EYS: variants seen among roughly 807,000 people sequenced by gnomAD.
EYS encodes protein eyes shut homolog.
EYS carries 250 observed loss-of-function variants against 282.1 expected under a neutral mutation model. That is an observed-to-expected ratio of 0.89 (90% CI 0.80 to 0.98). EYS has a LOEUF of 0.98. Ranked by LOEUF, EYS falls within the 50% of genes least tolerant of loss-of-function variation. The probability of loss-of-function intolerance (pLI) is 0.00; values close to 1 mark genes in which losing one functional copy is unlikely to be tolerated. For synonymous variants in EYS, 1,355 were observed against 1,282.9 expected (o/e 1.06, Z -1.20); for missense variants, 4,016 against 3,709.0 (o/e 1.08, Z -2.15).
At chr6:64,088,525 CTT>C (rs1030602877) in intron 31 of EYS, among the ~76,000 whole-genome samples, 7 of 151,914 alleles carry the variant, frequency 4.6e-5, no homozygotes, top group African/African-American at 9.6e-5. Context: ...GATGGAGAAT[CTT>C]TTAAGTTCCT....
At chr6:64,880,810 A>G (rs941908752) in intron 19 of EYS, among the ~76,000 whole-genome samples, 7 of 149,574 alleles carry the variant, frequency 4.7e-5, no homozygotes, top group Admixed American at 4.0e-4. Context: ...ACACATACTT[A>G]TGTATAAGAG....
chr6:65,319,224 A>AG (rs1349595236), intron 11 of EYS, among the ~76,000 whole-genome samples: 14 of 147,688 alleles, frequency 9.5e-5, no homozygotes, highest in African/African-American at 3.5e-4. Flanking sequence ...AAAAAAAAAA[A>AG]AAACAATTAG....
intron 24 of EYS, among the ~76,000 whole-genome samples, chr6:64,593,587 A>G (rs1191680249): frequency 1.3e-5 from 2 of 152,128 alleles, no homozygotes; most frequent in Non-Finnish European, 2.9e-5. Context: ...TTGAGAATAT[A>G]GTTTTCCAAT....
chr6:64,601,999 G>A (rs972247055), intron 24 of EYS, among the ~76,000 whole-genome samples: 10 of 151,776 alleles, frequency 6.6e-5, no homozygotes, highest in East Asian at 3.9e-4. Flanking sequence ...TTTATCACAC[G>A]GGTTATAACT....
intron 29 of EYS, among the ~76,000 whole-genome samples, chr6:64,386,079 A>G (rs73764421): frequency 0.038 from 5,805 of 152,240 alleles, 358 homozygotes; most frequent in African/African-American, 0.13. Flanking sequence ...TATGTTAATG[A>G]TCTTTTGTGA....
Position 64,997,472 on chromosome 6 carries a change from G to A in EYS, c.2259+110C>T, listed in dbSNP as rs1771305587. On this transcript the variant is annotated intron_variant, in intron 14 of 42. Coordinates refer to ENST00000503581, the MANE Select transcript of EYS (RefSeq NM_001142800.2). Reference sequence around the variant, plus strand: ...TTCTAACCTTGAGAAGTAAGCATATGTAATATATATACTAACCTAACACAC... The same window carrying A: ...TTCTAACCTTGAGAAGTAAGCATATATAATATATATACTAACCTAACACAC... 29 of 974,368 alleles carry A rather than the reference G, an allele frequency of 3.0e-5. 1 individual carries two copies. In the South Asian group the frequency reaches 5.8e-4, roughly 19 times the overall value. The allele number at this position is 974,368 out of a possible 1,614,324, so 60.4% of individuals were successfully genotyped here.
intron 42 of EYS, among the ~76,000 whole-genome samples, chr6:63,723,615 C>T (rs752802966): frequency 6.6e-6 from 1 of 151,788 alleles, no homozygotes; most frequent in Admixed American, 6.6e-5. Context: ...ATAGCTTCTG[C>T]GAAGAAAGGA....
intron 33 of EYS, among the ~76,000 whole-genome samples, chr6:64,028,837 A>G (rs1164069105): frequency 1.3e-5 from 2 of 152,168 alleles, no homozygotes; most frequent in African/African-American, 2.4e-5. Context: ...CTAGCTAATC[A>G]AGGGTACAAG....
intron 12 of EYS, among the ~76,000 whole-genome samples, chr6:65,077,900 A>G (rs931020155): frequency 6.6e-6 from 1 of 152,150 alleles, no homozygotes; most frequent in Non-Finnish European, 1.5e-5. Flanking sequence ...GAAAAAATAA[A>G]TATGCTTCTT....
Position 64,902,160 on chromosome 6 carries a change from G to A in EYS, c.2799C>T (p.Ser933=). The change falls in exon 18 of 43, where the codon TCC becomes TCT. Residue 933 remains serine (S), a synonymous_variant. Transcript: ENST00000503581. ...SLCEIEINEC[S]SEPCKNNGTC... is the part of the protein sequence containing the mutation. ...TTCCATTATTTTTGCAAGGTTCAGA[G>A]GAACATTCATTAATTTCAATTTCAC... 1 of 1,550,606 alleles carries A rather than the reference G, an allele frequency of 6.4e-7. No individual in the cohort carries two copies. Among genetic ancestry groups the A allele is most frequent in the Non-Finnish European group, 8.7e-7 (1 of 1,146,446 alleles).
At chr6:63,727,765 G>T (rs1434999451) in intron 41 of EYS, among the ~76,000 whole-genome samples, 1 of 97,396 alleles carries the variant, frequency 1.0e-5, no homozygotes, top group Non-Finnish European at 1.8e-5. Flanking sequence ...AGCTGGGCAT[G>T]GTGGCGAATG....
At chr6:64,695,866 C>A (rs1229199317) in intron 22 of EYS, among the ~76,000 whole-genome samples, 6 of 151,934 alleles carry the variant, frequency 3.9e-5, no homozygotes, top group African/African-American at 1.5e-4. Context: ...AAAGTGCCAT[C>A]CCAATGAAAA....
chr6:64,949,183 C>G (rs1394402980), intron 14 of EYS, among the ~76,000 whole-genome samples: 1 of 151,856 alleles, frequency 6.6e-6, no homozygotes, highest in Non-Finnish European at 1.5e-5. Flanking sequence ...AGTTTCGTGT[C>G]TTAAAACAAC....
intron 5 of EYS, among the ~76,000 whole-genome samples, chr6:65,455,657 T>C (rs1369509898): frequency 6.6e-6 from 1 of 151,714 alleles, no homozygotes; most frequent in African/African-American, 2.4e-5. Flanking sequence ...ATAGAAAAAA[T>C]TGATATGTTT....
At chr6:64,471,979 C>CA (rs76610682) in intron 26 of EYS, among the ~76,000 whole-genome samples, 62,952 of 151,786 alleles carry the variant, frequency 0.41, 13,579 homozygotes, top group African/African-American at 0.56. Flanking sequence ...GTTCCCAACA[C>CA]AAAAAAAATT....
At chr6:65,310,605 T>C (rs1304016169) in intron 11 of EYS, among the ~76,000 whole-genome samples, 1 of 152,170 alleles carries the variant, frequency 6.6e-6, no homozygotes, top group Non-Finnish European at 1.5e-5. Context: ...CTACCTCTTC[T>C]GCCTCATCTG....
At chr6:64,508,445 A>C (rs1405168494) in intron 26 of EYS, among the ~76,000 whole-genome samples, 3 of 151,932 alleles carry the variant, frequency 2.0e-5, no homozygotes, top group Non-Finnish European at 2.9e-5. Context: ...CAACCTTAAA[A>C]TGAATTGTTT....
chr6:63,886,888 A>G (rs1375885715), intron 35 of EYS, among the ~76,000 whole-genome samples: 1 of 152,198 alleles, frequency 6.6e-6, no homozygotes, highest in Non-Finnish European at 1.5e-5. Context: ...TGGCCCTGGG[A>G]GAATTAAATC....
At chr6:64,308,715 ATAGTT>A (rs1358637143) in intron 29 of EYS, among the ~76,000 whole-genome samples, 4 of 152,044 alleles carry the variant, frequency 2.6e-5, no homozygotes, top group African/African-American at 9.7e-5. Flanking sequence ...TTTTTAAATC[ATAGTT>A]TAGAACCTTT....
Sources: allele counts gnomAD v4.1 joint callset (sites outside exome capture counted in the v4.1 genomes callset), GRCh38; gene constraint gnomAD v4.1.1; transcripts MANE v1.5; gene names NCBI Gene and HGNC (gene_info 2026-07-23, HGNC 2026-07-21).